The following CDKAL1 variants were observed in gnomAD, a reference collection of about 807,000 sequenced individuals.
CDKAL1 encodes the protein CDKAL1 threonylcarbamoyladenosine tRNA methylthiotransferase, also known as threonylcarbamoyladenosine tRNA methylthiotransferase.
A neutral mutation model predicts 68.2 loss-of-function variants in CDKAL1; 32 were observed. The observed-to-expected ratio is 0.47, with a 90% CI of 0.35 to 0.63. The LOEUF (loss-of-function observed/expected upper bound fraction) is 0.63, where lower values mean the gene tolerates loss of function less well. Ranked by LOEUF, CDKAL1 falls within the 30% of genes least tolerant of loss-of-function variation. The pLI, the probability that CDKAL1 is intolerant of heterozygous loss-of-function variation, is 0.00. For synonymous variants in CDKAL1, 234 were observed against 244.3 expected (o/e 0.96, Z 0.39); for missense variants, 606 against 696.7 (o/e 0.87, Z 1.47).
chr6:21,032,920 A>C (rs1285404652), intron 11 of CDKAL1, among the ~76,000 whole-genome samples: 1 of 152,184 alleles, frequency 6.6e-6, no homozygotes, highest in Non-Finnish European at 1.5e-5. Flanking sequence ...TCAATTTAAA[A>C]ATGTTTGTAA....
chr6:21,012,167 C>G (rs73379551), intron 11 of CDKAL1, among the ~76,000 whole-genome samples: 2,724 of 152,208 alleles, frequency 0.018, 78 homozygotes, highest in African/African-American at 0.06. Context: ...AAAGTCATAC[C>G]CGTCACTTTT....
intron 8 of CDKAL1, among the ~76,000 whole-genome samples, chr6:20,817,224 G>T (rs1561802432): frequency 6.6e-6 from 1 of 152,020 alleles, no homozygotes; most frequent in Non-Finnish European, 1.5e-5. Context: ...ATACGTACCT[G>T]CAGGCTCCAG....
intron 11 of CDKAL1, among the ~76,000 whole-genome samples, chr6:21,001,983 A>G (rs1316809470): frequency 6.6e-6 from 1 of 152,220 alleles, no homozygotes; most frequent in Non-Finnish European, 1.5e-5. Context: ...AACGAGGTTA[A>G]GGAATCAGCA....
chr6:20,998,457 CA>C (rs1204317136), intron 10 of CDKAL1, among the ~76,000 whole-genome samples: 10 of 152,100 alleles, frequency 6.6e-5, no homozygotes, highest in Admixed American at 5.9e-4. Flanking sequence ...ACTAAAACCA[CA>C]AAAATTAGCT....
At chr6:20,823,887 C>G (rs1777390818) in intron 8 of CDKAL1, among the ~76,000 whole-genome samples, 1 of 151,962 alleles carries the variant, frequency 6.6e-6, no homozygotes, top group Non-Finnish European at 1.5e-5. Flanking sequence ...AGTCGAGATA[C>G]TAGAGTGATG....
At chr6:20,569,916 G>A (rs1043300990) in intron 4 of CDKAL1, among the ~76,000 whole-genome samples, 29 of 152,214 alleles carry the variant, frequency 1.9e-4, no homozygotes, top group African/African-American at 6.0e-4. Context: ...TCTCAAGAGA[G>A]TGATTCTTCT....
intron 12 of CDKAL1, among the ~76,000 whole-genome samples, chr6:21,065,486 AGT>A (rs1771385936): frequency 6.6e-6 from 1 of 152,100 alleles, no homozygotes; most frequent in Non-Finnish European, 1.5e-5. Flanking sequence ...ATTAGTATCT[AGT>A]ATTTACCTGT....
intron 15 of CDKAL1, among the ~76,000 whole-genome samples, chr6:21,210,112 G>A (rs940904555): frequency 6.6e-6 from 1 of 152,178 alleles, no homozygotes; most frequent in Non-Finnish European, 1.5e-5. Flanking sequence ...TAGTTTGGAT[G>A]ATAAATTATA....
intron 5 of CDKAL1, among the ~76,000 whole-genome samples, chr6:20,708,842 C>G (rs1771720527): frequency 6.6e-6 from 1 of 151,732 alleles, no homozygotes; most frequent in Non-Finnish European, 1.5e-5. Context: ...TCTTCTTGTC[C>G]TTATGTTTTT....
chr6:20,993,221 A>G (rs1370818434), intron 10 of CDKAL1, among the ~76,000 whole-genome samples: 4 of 152,170 alleles, frequency 2.6e-5, no homozygotes, highest in South Asian at 2.1e-4. Context: ...AAAAATGTTA[A>G]TTGTATATTT....
intron 12 of CDKAL1, among the ~76,000 whole-genome samples, chr6:21,097,604 G>T (rs1346108839): frequency 6.6e-6 from 1 of 151,246 alleles, no homozygotes; most frequent in Non-Finnish European, 1.5e-5. Flanking sequence ...TAAGGTAAGG[G>T]TTAACCGTGC....
chr6:21,147,123 A>T (rs1776214429), intron 13 of CDKAL1, among the ~76,000 whole-genome samples: 1 of 152,212 alleles, frequency 6.6e-6, no homozygotes, highest in South Asian at 2.1e-4. Context: ...TCCAACAGGT[A>T]GTCTTTTGCT....
intron 8 of CDKAL1, among the ~76,000 whole-genome samples, chr6:20,801,982 A>G (rs1352558950): frequency 6.6e-6 from 1 of 152,078 alleles, no homozygotes; most frequent in African/African-American, 2.4e-5. Context: ...CACATGCAAT[A>G]TTTGCTGTTA....
chr6:20,585,256 G>T (rs1285803030), intron 4 of CDKAL1, among the ~76,000 whole-genome samples: 2 of 151,978 alleles, frequency 1.3e-5, no homozygotes, highest in African/African-American at 2.4e-5. Context: ...GTTTCACCGT[G>T]TTAGCCAGGA....
chr6:20,782,069 G>A (rs370357447), intron 8 of CDKAL1, among the ~76,000 whole-genome samples: 9 of 152,164 alleles, frequency 5.9e-5, no homozygotes, highest in African/African-American at 1.9e-4. Context: ...ATTGAGAACC[G>A]GTGAACAGCT....
At chr6:20,835,375 A>G (rs1326618321) in intron 8 of CDKAL1, among the ~76,000 whole-genome samples, 1 of 152,184 alleles carries the variant, frequency 6.6e-6, no homozygotes, top group Non-Finnish European at 1.5e-5. Flanking sequence ...TCCCCACAAA[A>G]GGAGCCTTTT....
At chr6:21,047,097 T>G (rs1582092313) in intron 11 of CDKAL1, among the ~76,000 whole-genome samples, 1 of 151,860 alleles carries the variant, frequency 6.6e-6, no homozygotes, top group Non-Finnish European at 1.5e-5. Flanking sequence ...TTTTTGTGTT[T>G]TTTTTTTTTA....
At chr6:21,168,653 C>T (rs1379468799) in intron 13 of CDKAL1, among the ~76,000 whole-genome samples, 1 of 152,122 alleles carries the variant, frequency 6.6e-6, no homozygotes, top group Non-Finnish European at 1.5e-5. Context: ...AAGGAATGTT[C>T]TAAAAATCAG....
chr6:20,644,521 CA>C (rs903388002), intron 4 of CDKAL1, among the ~76,000 whole-genome samples: 1 of 150,970 alleles, frequency 6.6e-6, no homozygotes, highest in Non-Finnish European at 1.5e-5. Context: ...ACTAAAAATA[CA>C]AAAAAAAATT....
Sources: gnomAD v4.1 joint callset for allele counts (sites outside exome capture counted in the v4.1 genomes callset) on GRCh38, gnomAD v4.1.1 for gene constraint, MANE v1.5 for transcripts, NCBI Gene and HGNC (gene_info 2026-07-23, HGNC 2026-07-21) for gene names.